Variants in FUT8 observed in about 807,000 individuals in gnomAD.
FUT8 encodes alpha-(1,6)-fucosyltransferase.
Under a neutral mutation model 71.3 loss-of-function variants are expected in FUT8, and 29 were observed. The observed-to-expected ratio is 0.41, with a 90% CI of 0.30 to 0.55. The LOEUF is 0.55. FUT8 is among the 20% of genes least tolerant of loss of function. The pLI is 0.34. For synonymous variants in FUT8, 254 were observed against 239.3 expected, an observed-to-expected ratio of 1.06 and a Z score of -0.57; for missense variants, 544 against 702.1, an observed-to-expected ratio of 0.77 and a Z score of 2.55.
the FUT8 span, among the ~76,000 whole-genome samples, chr14:65,372,191 C>T: frequency 6.6e-6 from 1 of 152,240 alleles, no homozygotes; most frequent in South Asian, 2.1e-4. Flanking sequence ...TTTCTCTCCC[C>T]CTTTGACCTC....
intron 7 of FUT8, among the ~76,000 whole-genome samples, chr14:65,710,953 G>T (rs1404490536): frequency 1.3e-5 from 2 of 152,060 alleles, no homozygotes; most frequent in African/African-American, 4.8e-5. Flanking sequence ...GAAGATGCTG[G>T]GCTCTTTTTA....
chr14:65,397,857 C>T, the FUT8 span, among the ~76,000 whole-genome samples: 8 of 152,286 alleles, frequency 5.3e-5, no homozygotes, highest in South Asian at 2.1e-4. This position sits in a 1 kb window ranked among gnomAD's most constrained non-coding sequence, Gnocchi z 4.2. Context: ...GGTGATTTTT[C>T]GTGACCAGAA....
At chr14:65,372,526 C>T in the FUT8 span, among the ~76,000 whole-genome samples, 3 of 151,960 alleles carry the variant, frequency 2.0e-5, no homozygotes, top group African/African-American at 7.3e-5. Context: ...AGTGATTCTC[C>T]TGCCTCAGCC....
chr14:65,670,735 C>T (rs557143728), intron 7 of FUT8, among the ~76,000 whole-genome samples: 15 of 152,018 alleles, frequency 9.9e-5, no homozygotes, highest in East Asian at 9.7e-4. Flanking sequence ...GAAAAAAAAT[C>T]GGTAATATCT....
chr14:65,713,535 C>G lies in FUT8; in HGVS notation c.836-8240C>G, dbSNP rs184630428. Among the ~76,000 whole-genome samples, 531 of 152,268 alleles carry G rather than the reference C, an allele frequency of 3.5e-3. 2 individuals carry two copies. The highest frequency in any genetic ancestry group is 0.012 in the African/African-American group (504 of 41,542). ...TTCCCACCAACAGTGTATGAGGGTT[C>G]CCTTTTCTGCACATACTTGCCAGCA... On this transcript the variant is annotated intron_variant, in intron 7 of 10. Coordinates refer to ENST00000673929, the MANE Select transcript of FUT8 (RefSeq NM_001371533.1).
At chr14:65,369,412 T>G in the FUT8 span, among the ~76,000 whole-genome samples, 223 of 152,312 alleles carry the variant, frequency 1.5e-3, 2 homozygotes, top group Non-Finnish European at 1.9e-4. This position sits in a 1 kb window ranked among gnomAD's most constrained non-coding sequence, Gnocchi z 4.6. Flanking sequence ...GACTTCATCT[T>G]GTATAGGGGC....
At chr14:65,718,369 T>G (rs954790175) in intron 7 of FUT8, among the ~76,000 whole-genome samples, 1 of 152,232 alleles carries the variant, frequency 6.6e-6, no homozygotes, top group Non-Finnish European at 1.5e-5. Flanking sequence ...TACTCTGTAC[T>G]TTGTCCCCCC....
At chr14:65,412,113 C>T, upstream of FUT8, 1 of 456,132 alleles carries the variant, frequency 2.2e-6, no homozygotes. Flanking sequence ...GGCCGGGCAT[C>T]GAACTCAGGC....
the FUT8 span, among the ~76,000 whole-genome samples, chr14:65,387,861 T>C: frequency 6.6e-6 from 1 of 152,244 alleles, no homozygotes; most frequent in East Asian, 1.9e-4. Context: ...CAGGCCCATG[T>C]TATTCCATCA....
intron 2 of FUT8, among the ~76,000 whole-genome samples, chr14:65,509,064 ATTTTTGTCTT>A (rs1882163497): frequency 6.6e-6 from 1 of 152,012 alleles, no homozygotes; most frequent in Admixed American, 6.5e-5. Context: ...GAGGTCTTAG[ATTTTTGTCTT>A]TAATCAATAT....
the FUT8 span, among the ~76,000 whole-genome samples, chr14:65,390,183 T>C: frequency 1.3e-5 from 2 of 150,532 alleles, no homozygotes; most frequent in Non-Finnish European, 3.0e-5. Context: ...AAATAATATT[T>C]ATATATATAT....
intron 1 of FUT8, among the ~76,000 whole-genome samples, chr14:65,448,670 A>T (rs1202072915): frequency 1.3e-5 from 2 of 152,112 alleles, no homozygotes; most frequent in Admixed American, 6.6e-5. Flanking sequence ...TCTTTTGGGG[A>T]TGGGGTGGGA....
the FUT8 span, among the ~76,000 whole-genome samples, chr14:65,384,339 C>T: frequency 6.6e-6 from 1 of 152,150 alleles, no homozygotes; most frequent in Non-Finnish European, 1.5e-5. The surrounding 1 kb of genome is among the most constrained non-coding windows in gnomAD (Gnocchi z 4.2). Context: ...GCCTCCATCT[C>T]CTGGGCTCAA....
chr14:65,708,744 CAGAA>C (rs1223549912), intron 7 of FUT8, among the ~76,000 whole-genome samples: 1 of 152,100 alleles, frequency 6.6e-6, no homozygotes, highest in Non-Finnish European at 1.5e-5. Context: ...AAGCCAGTCA[CAGAA>C]AGACAAACAC....
At chr14:65,686,769 TAAGAG>T (rs1161959685) in intron 7 of FUT8, among the ~76,000 whole-genome samples, 1 of 152,172 alleles carries the variant, frequency 6.6e-6, no homozygotes, top group African/African-American at 2.4e-5. Context: ...AAAGAGAACT[TAAGAG>T]AAGCTGTATT....
At chr14:65,612,608 G>A (rs574863407) in intron 3 of FUT8, among the ~76,000 whole-genome samples, 2 of 152,224 alleles carry the variant, frequency 1.3e-5, no homozygotes, top group South Asian at 2.1e-4. Flanking sequence ...CTCTGTCTTG[G>A]TCTTTTTAGA....
At position 65,697,394 on chromosome 14, in the gene FUT8, TC is replaced by T. The variant is rs891508361; in HGVS notation, c.836-24379del. ...ATGGTTTGTGGGGAGGAGGAAGTGT[TC>T]CGTAGTAATATCATTAGGTCTCAGT... On this transcript the variant is annotated intron_variant, in intron 7 of 10. Transcript: ENST00000673929. 4.4e-4 allele frequency among the ~76,000 whole-genome samples: 67 copies of T among 152,288 alleles called. 1 individual carries two copies. Among genetic ancestry groups the T allele is most frequent in the African/African-American group, 1.5e-3 (62 of 41,566 alleles).
chr14:65,560,599 C>T (rs758390530), intron 2 of FUT8, among the ~76,000 whole-genome samples: 7 of 152,112 alleles, frequency 4.6e-5, no homozygotes, highest in Admixed American at 3.3e-4. Context: ...TACTTGTAAC[C>T]AAGCCTGGAA....
chr14:65,720,862 C>A (rs2139349223), intron 7 of FUT8, among the ~76,000 whole-genome samples: 1 of 152,276 alleles, frequency 6.6e-6, no homozygotes, highest in South Asian at 2.1e-4. Context: ...TGGCTGAGTT[C>A]TTTGCTAATG....
Sources: allele counts gnomAD v4.1 joint callset (sites outside exome capture counted in the v4.1 genomes callset), GRCh38; gene constraint gnomAD v4.1.1; non-coding constraint Gnocchi (gnomAD v3.1); transcripts MANE v1.5; gene names NCBI Gene and HGNC (gene_info 2026-07-23, HGNC 2026-07-21).